Variants in CDKL5 observed in about 807,000 individuals in gnomAD.
CDKL5 encodes the protein cyclin-dependent kinase-like 5.
A neutral mutation model predicts 61.7 loss-of-function variants in CDKL5; 8 were observed. That is an observed-to-expected ratio of 0.13 (90% CI 0.08 to 0.23). The LOEUF (loss-of-function observed/expected upper bound fraction) is 0.23. Ranked by LOEUF, CDKL5 falls within the 10% of genes least tolerant of loss-of-function variation. The pLI, the probability that CDKL5 is intolerant of heterozygous loss-of-function variation, is 1.00. For missense variants in CDKL5, 440 were observed against 734.5 expected, an observed-to-expected ratio of 0.60 and a Z score of 4.63; for synonymous variants, 275 against 272.3, an observed-to-expected ratio of 1.01 and a Z score of -0.10.
chrX:18,609,298 G>A (rs889315860), intron 13 of CDKL5, among the ~76,000 whole-genome samples, 167 bp from the exon 14 acceptor site: 1 of 111,388 alleles, frequency 9.0e-6, no homozygotes, highest in South Asian at 3.8e-4. Flanking sequence ...GGAGGCTGAG[G>A]CAGGAGGATT....
intron 1 of CDKL5, among the ~76,000 whole-genome samples, chrX:18,430,443 T>C (rs1394320623): frequency 9.0e-6 from 1 of 111,516 alleles, no homozygotes; most frequent in Non-Finnish European, 1.9e-5. Context: ...GATATATTAT[T>C]GTGTGTGCGT....
At chrX:18,523,035 A>G (rs568330527) in intron 3 of CDKL5, among the ~76,000 whole-genome samples, 122 of 111,012 alleles carry the variant, frequency 1.1e-3, no homozygotes, top group Middle Eastern at 4.7e-3. Context: ...ACCTCAAGTG[A>G]TCTGCCTGCC....
In CDKL5 at chrX:18,634,890, G is replaced by T; in HGVS notation, c.*6133G>T. On this transcript the variant is annotated 3_prime_UTR_variant, in exon 18 of 18. Coordinates refer to ENST00000623535, the MANE Select transcript of CDKL5 (RefSeq NM_001323289.2). ...TAAGCTTGAAGGTGGTGTCTGGGAA[G>T]ACACAGGGCAGGGTGACATTTAGAC... is the stretch of plus-strand genomic sequence containing the variant. 1.3e-6 allele frequency: 1 copy of T among 750,727 alleles called. No homozygotes were observed. Among genetic ancestry groups the T allele is most frequent in the Non-Finnish European group, 1.6e-6 (1 of 638,389 alleles). The allele number at this position is 750,727 out of a possible 1,213,427, so 61.9% of individuals were successfully genotyped here.
chrX:18,539,835 T>C (rs1360285690), intron 3 of CDKL5, among the ~76,000 whole-genome samples: 2 of 111,954 alleles, frequency 1.8e-5, no homozygotes, highest in Non-Finnish European at 3.8e-5. Context: ...CTGATCTAGG[T>C]ATTAAAATAT....
At chrX:18,643,481 G>A (rs1927659060), downstream of CDKL5, among the ~76,000 whole-genome samples, 2 of 112,488 alleles carry the variant, frequency 1.8e-5, no homozygotes, top group South Asian at 7.4e-4. Context: ...GTGCAGGGGT[G>A]AAGTGCCTCT....
chrX:18,616,114 T>C (rs1035160634), intron 15 of CDKL5, among the ~76,000 whole-genome samples: 11 of 111,580 alleles, frequency 9.9e-5, no homozygotes, highest in African/African-American at 3.6e-4. Context: ...TAGTTCAAGG[T>C]AATACTACAG....
In CDKL5 at chrX:18,496,217, TA is replaced by T. The variant is rs1922166000; in HGVS notation, c.-162-10717del. Among the ~76,000 whole-genome samples, 5 of 112,361 alleles carry T rather than the reference TA, an allele frequency of 4.4e-5. No homozygotes were observed. The South Asian group carries it at 1.5e-3, about 33-fold the overall frequency. On this transcript the variant is annotated intron_variant, in intron 1 of 17. Transcript: ENST00000623535. The stretch of plus-strand genomic sequence containing the variant: ...GCTATCAGATTGCAGTCTGCTTTTA[TA>T]TGTTTTAGGGAGAGAATTGTAGGTA...
chrX:18,595,725 C>T (rs956373222), intron 10 of CDKL5, among the ~76,000 whole-genome samples: 3 of 112,233 alleles, frequency 2.7e-5, no homozygotes, highest in Non-Finnish European at 3.8e-5. Flanking sequence ...GGTTTTAAAA[C>T]AAATCTTAAA....
chrX:18,430,018 G>C (rs1208527457), intron 1 of CDKL5, among the ~76,000 whole-genome samples: 3 of 111,664 alleles, frequency 2.7e-5, no homozygotes, highest in Non-Finnish European at 5.6e-5. Flanking sequence ...GGAGTTCATG[G>C]GCTACATTGG....
chrX:18,479,664 G>C (rs767619193), intron 1 of CDKL5, among the ~76,000 whole-genome samples: 1 of 111,149 alleles, frequency 9.0e-6, no homozygotes, highest in Non-Finnish European at 1.9e-5. Context: ...CTTCTCCTCT[G>C]GTATTCCCAT....
At position 18,584,273 on chromosome X, in the gene CDKL5, T is replaced by G. The variant is rs1925572207; in HGVS notation, c.474T>G (p.Arg158=). 1 of 1,196,887 alleles carries G rather than the reference T, an allele frequency of 8.4e-7. No homozygotes were observed. The highest frequency in any genetic ancestry group is 1.8e-5 in the African/African-American group (1 of 56,965). Residue 158 remains arginine (R), a synonymous_variant, in exon 8 of 18, where the codon CGT becomes CGG. Transcript: ENST00000623535. The part of the protein sequence containing the change: ...VLKLCDFGFA[R]NLSEGNNANY... ...TTTGCTATCTTTCAGGTTTTGCTCG[T>G]AATCTGTCAGAAGGCAATAATGCTA...
intron 5 of CDKL5, 132 bp downstream of exon 5, chrX:18,575,622 G>A (rs1925275700): frequency 1.7e-6 from 1 of 594,596 alleles, no homozygotes; most frequent in Middle Eastern, 3.3e-4. Flanking sequence ...CTTTAAAAAT[G>A]AAAGTGTTGT....
chrX:18,597,297 TTCTCTTTGCCA>T (rs1926028174), intron 10 of CDKL5, among the ~76,000 whole-genome samples: 1 of 110,484 alleles, frequency 9.1e-6, no homozygotes, highest in Non-Finnish European at 1.9e-5. Flanking sequence ...AAGAGAAATA[TTCTCTTTGCCA>T]TTCTCTAAAG....
At chrX:18,625,016 T>G in intron 16 of CDKL5, 112 bp from the exon 17 acceptor site, 1 of 683,428 alleles carries the variant, frequency 1.5e-6, no homozygotes, top group Non-Finnish European at 2.4e-6. Flanking sequence ...CTGGGTTATT[T>G]GAGTTTTGGT....
intron 19 of CDKL5, among the ~76,000 whole-genome samples, chrX:18,645,397 T>C: frequency 9.0e-6 from 1 of 110,800 alleles, no homozygotes; most frequent in Middle Eastern, 4.6e-3. Context: ...CCTCTCAGCA[T>C]CTCAGATGAA....
At chrX:18,469,959 G>A (rs1921025304) in intron 1 of CDKL5, among the ~76,000 whole-genome samples, 1 of 112,065 alleles carries the variant, frequency 8.9e-6, no homozygotes, top group African/African-American at 3.2e-5. Flanking sequence ...TGTGCCACAT[G>A]TAGAGAAATG....
intron 7 of CDKL5, among the ~76,000 whole-genome samples, chrX:18,582,890 G>T (rs1925527670): frequency 9.0e-6 from 1 of 111,209 alleles, no homozygotes; most frequent in Admixed American, 9.6e-5. Flanking sequence ...TTATTAACCT[G>T]TTTGTCTGAG....
At chrX:18,508,199 A>G (rs1166603663) in intron 2 of CDKL5, among the ~76,000 whole-genome samples, 2 of 112,631 alleles carry the variant, frequency 1.8e-5, no homozygotes, top group Non-Finnish European at 3.7e-5. Flanking sequence ...CATATTTCAG[A>G]ATTTTCAAAT....
At chrX:18,478,383 C>T (rs1219933297) in intron 1 of CDKL5, among the ~76,000 whole-genome samples, 3 of 105,679 alleles carry the variant, frequency 2.8e-5, no homozygotes, top group East Asian at 3.0e-4. Context: ...CTCTGCCTCC[C>T]GGGTTCAAGT....
Sources: gnomAD v4.1 joint callset for allele counts (sites outside exome capture counted in the v4.1 genomes callset) on GRCh38, gnomAD v4.1.1 for gene constraint, MANE v1.5 for transcripts, NCBI Gene and HGNC (gene_info 2026-07-23, HGNC 2026-07-21) for gene names.